The following ANKRD44 variants were observed in gnomAD, a reference collection of about 807,000 sequenced individuals.
ANKRD44 encodes serine/threonine-protein phosphatase 6 regulatory ankyrin repeat subunit B.
Under a neutral mutation model 116.0 loss-of-function variants are expected in ANKRD44, and 35 were observed. The ratio of observed to expected loss-of-function variants is 0.30; its 90% CI spans 0.23 to 0.40. The LOEUF (loss-of-function observed/expected upper bound fraction) is 0.40, where lower values mean the gene tolerates loss of function less well. ANKRD44 is among the 10% of genes least tolerant of loss of function. The probability of loss-of-function intolerance (pLI) is 1.00; values close to 1 mark genes in which losing one functional copy is unlikely to be tolerated. For missense variants in ANKRD44, 1,014 were observed against 1,242.6 expected (o/e 0.82, Z 2.77); for synonymous variants, 435 against 461.8 (o/e 0.94, Z 0.74).
At chr2:197,003,238 G>C (rs2076145474) in intron 21 of ANKRD44, among the ~76,000 whole-genome samples, 1 of 151,982 alleles carries the variant, frequency 6.6e-6, no homozygotes, top group Non-Finnish European at 1.5e-5. Flanking sequence ...TTGAACCCAG[G>C]AGGCAAAGGT....
chr2:197,243,766 G>C (rs1051597133), intron 1 of ANKRD44, among the ~76,000 whole-genome samples: 7 of 152,260 alleles, frequency 4.6e-5, no homozygotes, highest in African/African-American at 1.7e-4. Context: ...TCTTTCATAA[G>C]GGCACAAATC....
chr2:197,090,987 C>T lies in ANKRD44; in HGVS notation c.1101-955G>A, dbSNP rs140817489. ...ACCATCCTTCAATTTGTTCATGAGA[C>T]CTCATTTTTCCTGGATGCCAAGCAA... On this transcript the variant is annotated intron_variant, in intron 10 of 27. Coordinates refer to ENST00000282272, the MANE Select transcript of ANKRD44 (RefSeq NM_001195144.2). Among the ~76,000 whole-genome samples, 23 of 152,320 alleles carry T rather than the reference C, an allele frequency of 1.5e-4. 1 individual carries two copies. In the East Asian group the frequency reaches 4.4e-3, roughly 29 times the overall value.
intron 16 of ANKRD44, among the ~76,000 whole-genome samples, chr2:197,063,190 CAG>C (rs2077354876): frequency 6.6e-6 from 1 of 152,108 alleles, no homozygotes; most frequent in African/African-American, 2.4e-5. Context: ...CCCAGGCAAA[CAG>C]GGGCTGGAGT....
At chr2:197,070,610 A>G (rs1218351089) in intron 16 of ANKRD44, among the ~76,000 whole-genome samples, 1 of 152,180 alleles carries the variant, frequency 6.6e-6, no homozygotes, top group African/African-American at 2.4e-5. Flanking sequence ...GTCATGGTAT[A>G]TAATTCTCTG....
intron 8 of ANKRD44, among the ~76,000 whole-genome samples, chr2:197,119,507 C>A (rs1349658856): frequency 1.3e-5 from 2 of 152,120 alleles, no homozygotes; most frequent in Non-Finnish European, 2.9e-5. Flanking sequence ...CTCAGGCTCC[C>A]AAGGAGCTGG....
chr2:197,177,016 C>T (rs1178361384), intron 2 of ANKRD44, among the ~76,000 whole-genome samples: 1 of 152,086 alleles, frequency 6.6e-6, no homozygotes, highest in Non-Finnish European at 1.5e-5. Flanking sequence ...AAACCTAAAG[C>T]AATAGGTCCT....
intron 1 of ANKRD44, among the ~76,000 whole-genome samples, chr2:197,187,787 A>G (rs1468683495): frequency 6.6e-6 from 1 of 152,152 alleles, no homozygotes; most frequent in Non-Finnish European, 1.5e-5. Flanking sequence ...AGGCCTCACC[A>G]GAAACTAACC....
At chr2:197,232,302 T>C (rs1025140478) in intron 1 of ANKRD44, among the ~76,000 whole-genome samples, 6 of 152,216 alleles carry the variant, frequency 3.9e-5, no homozygotes, top group Non-Finnish European at 5.9e-5. Context: ...AAGCATCTAC[T>C]ATTCCAGCTC....
At chr2:197,183,193 T>C (rs151109023) in intron 2 of ANKRD44, among the ~76,000 whole-genome samples, 3 of 152,160 alleles carry the variant, frequency 2.0e-5, no homozygotes, top group East Asian at 3.9e-4. Flanking sequence ...GATCAGTTAA[T>C]GAATGGGTGA....
intron 25 of ANKRD44, among the ~76,000 whole-genome samples, chr2:196,997,888 A>G (rs1176667164): frequency 6.6e-6 from 1 of 150,646 alleles, no homozygotes; most frequent in African/African-American, 2.5e-5. Flanking sequence ...ATATCTATTT[A>G]TTTGCTTCAC....
intron 3 of ANKRD44, among the ~76,000 whole-genome samples, chr2:197,146,279 T>C (rs1472660240): frequency 2.6e-5 from 4 of 152,188 alleles, no homozygotes; most frequent in Admixed American, 6.5e-5. Context: ...CCTGAAGACA[T>C]TTTTTACTTA....
intron 2 of ANKRD44, among the ~76,000 whole-genome samples, chr2:197,147,428 TAA>T (rs34720427): frequency 0.018 from 2,562 of 142,732 alleles, 20 homozygotes; most frequent in South Asian, 0.065. Context: ...TCAGGATGGT[TAA>T]AAAAAAAAAA....
intron 1 of ANKRD44, among the ~76,000 whole-genome samples, chr2:197,193,434 A>T (rs1464583286): frequency 6.6e-6 from 1 of 152,196 alleles, no homozygotes; most frequent in Non-Finnish European, 1.5e-5. Flanking sequence ...ATTGATTAAA[A>T]TGTTAATTTT....
chr2:197,169,500 C>T (rs528235444), intron 2 of ANKRD44, among the ~76,000 whole-genome samples: 1 of 152,276 alleles, frequency 6.6e-6, no homozygotes, highest in African/African-American at 2.4e-5. Context: ...CAGATTCTGT[C>T]AGTATATGTT....
At chr2:197,226,176 A>T (rs1233945945) in intron 1 of ANKRD44, among the ~76,000 whole-genome samples, 1 of 152,172 alleles carries the variant, frequency 6.6e-6, no homozygotes, top group African/African-American at 2.4e-5. Flanking sequence ...TTAGAGACCA[A>T]CTATATATAT....
At chr2:196,996,222 T>C (rs2076009348) in intron 25 of ANKRD44, among the ~76,000 whole-genome samples, 1 of 152,242 alleles carries the variant, frequency 6.6e-6, no homozygotes, top group Non-Finnish European at 1.5e-5. Context: ...GAATCTGTTT[T>C]TTTCACAGAA....
At position 196,998,911 on chromosome 2, in the gene ANKRD44, A is replaced by G. The variant is rs1190386259; in HGVS notation, c.2661T>C (p.Ala887=). 2.5e-6 allele frequency: 4 copies of G among 1,613,904 alleles called. No individual in the cohort carries two copies. Among genetic ancestry groups the G allele is most frequent in the East Asian group, 2.2e-5 (1 of 44,898 alleles). The change falls in exon 24 of 28, where the codon GCT becomes GCC. Residue 887 remains alanine, a synonymous_variant. Transcript: ENST00000282272. ...MMAAENGQAG[A]VDILVNSAQA... The stretch of plus-strand genomic sequence containing the variant: ...GTCCATACAACAAGCACATACCCAC[A>G]GCGCCTGCCTGCCCATTCTCAGCAG...
rs183757348 is a variant in ANKRD44, at chr2:197,192,101, G to A, written c.28-4995C>T. Among the ~76,000 whole-genome samples, 8 of 152,196 alleles carry A rather than the reference G, an allele frequency of 5.3e-5. No individual in the cohort carries two copies. In the East Asian group the frequency reaches 9.6e-4, roughly 18 times the overall value. ...AGTCATCAATGCCCTCCCACATCCC[G>A]CAAAATCCCCTAATGAAACCACCAT... On this transcript the variant is annotated intron_variant, in intron 1 of 27. Transcript: ENST00000282272.
intron 2 of ANKRD44, among the ~76,000 whole-genome samples, chr2:197,186,647 T>TA (rs2080678299): frequency 1.1e-5 from 1 of 90,252 alleles, no homozygotes; most frequent in Non-Finnish European, 2.2e-5. Context: ...TTTTTTTTTT[T>TA]AGAGACAGAG....
Sources: allele counts gnomAD v4.1 joint callset (sites outside exome capture counted in the v4.1 genomes callset), GRCh38; gene constraint gnomAD v4.1.1; transcripts MANE v1.5; gene names NCBI Gene and HGNC (gene_info 2026-07-23, HGNC 2026-07-21).